FER1L5: variants seen among roughly 807,000 people sequenced by gnomAD.
The protein encoded by FER1L5 is fer-1-like protein 5.
FER1L5 carries 187 observed loss-of-function variants against 279.9 expected under a neutral mutation model. The ratio of observed to expected loss-of-function variants is 0.67; its 90% CI spans 0.59 to 0.75. The LOEUF (loss-of-function observed/expected upper bound fraction) is 0.75. Ranked by LOEUF, FER1L5 falls within the 30% of genes least tolerant of loss-of-function variation. FER1L5 has a pLI of 0.00. For synonymous variants in FER1L5, 921 were observed against 989.7 expected (o/e 0.93, Z 1.30); for missense variants, 2,091 against 2,594.4 (o/e 0.81, Z 4.21).
intron 14 of FER1L5, among the ~76,000 whole-genome samples, chr2:96,665,413 TG>T (rs1238122482): frequency 3.3e-5 from 5 of 152,260 alleles, no homozygotes; most frequent in African/African-American, 9.6e-5. Context: ...CCTCCTTGGA[TG>T]ATTTTATAGA....
chr2:96,688,223 C>A (rs2077007538), intron 24 of FER1L5, among the ~76,000 whole-genome samples: 1 of 152,158 alleles, frequency 6.6e-6, no homozygotes, highest in Non-Finnish European at 1.5e-5. Context: ...ACAAAGGGGG[C>A]GACTAAGTGA....
chr2:96,665,147 A>G (rs2076084405), intron 14 of FER1L5, among the ~76,000 whole-genome samples: 1 of 152,246 alleles, frequency 6.6e-6, no homozygotes, highest in Admixed American at 6.5e-5. Context: ...TAAAATAAGA[A>G]CACAGTTCTG....
At chr2:96,659,350 C>CTTCTTTCTTTCTTTCTTTCTTTCT (rs2075771910) in intron 9 of FER1L5, among the ~76,000 whole-genome samples, 2 of 74,960 alleles carry the variant, frequency 2.7e-5, no homozygotes, top group Non-Finnish European at 2.5e-5. Context: ...TCCTTCCTTC[C>CTTCTTTCTTTCTTTCTTTCTTTCT]TTCCTTCCTT....
Position 96,699,977 on chromosome 2 carries a change from C to T in FER1L5, c.4827C>T (p.Leu1609=), listed in dbSNP as rs759805805. ...RWRDQMPPSY[L]LERYAKRKGL... Reference sequence around the variant, plus strand: ...GGGATCAGATGCCCCCAAGCTACCTCCTAGAACGCTATGCCAAGCGGAAAG... The same window carrying T: ...GGGATCAGATGCCCCCAAGCTACCTTCTAGAACGCTATGCCAAGCGGAAAG... Residue 1609 remains leucine, a synonymous_variant, in exon 44 of 53, where the codon CTC becomes CTT. Coordinates refer to ENST00000624922, the MANE Select transcript of FER1L5 (RefSeq NM_001293083.2). The T allele has an allele frequency of 1.9e-6, 3 of 1,613,866 alleles. No individual in the cohort carries two copies. The African/African-American group carries it at 4.0e-5, about 22-fold the overall frequency.
intron 14 of FER1L5, among the ~76,000 whole-genome samples, chr2:96,664,099 G>C (rs1298281279): frequency 6.6e-6 from 1 of 150,784 alleles, no homozygotes; most frequent in Admixed American, 6.6e-5. Context: ...CACAACAGAG[G>C]GAGACTCAGT....
intron 1 of FER1L5, among the ~76,000 whole-genome samples, chr2:96,645,662 G>C (rs1006255448): frequency 5.9e-5 from 9 of 152,092 alleles, no homozygotes; most frequent in Non-Finnish European, 1.3e-4. Context: ...GTGGCCTGTA[G>C]TCCAAGCTAC....
intron 8 of FER1L5, 65 bp downstream of exon 8, chr2:96,653,767 T>A: frequency 1.6e-6 from 2 of 1,258,212 alleles, no homozygotes; most frequent in Non-Finnish European, 2.3e-6. Flanking sequence ...TGGGAAGCAC[T>A]ACAGCTCCAG....
At position 96,704,316 on chromosome 2, in the gene FER1L5, T is replaced by C; in HGVS notation, c.5903T>C (p.Ile1968Thr). The C allele has an allele frequency of 6.2e-7, 1 of 1,614,040 alleles. No homozygotes were observed. The highest frequency in any genetic ancestry group is 8.5e-7 in the Non-Finnish European group (1 of 1,179,888). The change falls in exon 52 of 53, where the codon ATA becomes ACA. Residue 1968 changes from isoleucine to threonine, a missense_variant. Ile to Thr is a moderately conservative substitution (Grantham distance 89). Coordinates refer to ENST00000624922, the MANE Select transcript of FER1L5 (RefSeq NM_001293083.2). ...TTCAAACTCATAGCCTTTATGGTCA[T>C]ATCGATTATAGCACTTATGCTGTTT... ...YRFKLIAFMV[I>T]SIIALMLFNF...
Position 96,651,237 on chromosome 2 carries a change from C to CTCTTTCTTTCTT in FER1L5, c.505-602_505-591dup, listed in dbSNP as rs70964882. On this transcript the variant is annotated intron_variant, in intron 6 of 52. Transcript: ENST00000624922. Reference sequence around the variant, plus strand: ...GGGCTACAACTTTCTTTCTTTCTTTCTCTTTCTTTCTTTCTTTCTTTCTTT... The same window carrying CTCTTTCTTTCTT: ...GGGCTACAACTTTCTTTCTTTCTTTCTCTTTCTTTCTTTCTTTCTTTCTTTCTTTCTTTCTTT... Among the ~76,000 whole-genome samples the CTCTTTCTTTCTT allele has an allele frequency of 2.7e-3, 344 of 128,620 alleles. 3 individuals carry two copies. The highest frequency in any genetic ancestry group is 7.1e-3 in the East Asian group (30 of 4,214). The allele number at this position is 128,620 out of a possible 152,430, so 84.4% of individuals were successfully genotyped here.
At chr2:96,672,205 A>C (rs1423216923) in intron 18 of FER1L5, among the ~76,000 whole-genome samples, 1 of 152,020 alleles carries the variant, frequency 6.6e-6, no homozygotes, top group Non-Finnish European at 1.5e-5. Context: ...CAGCCTCCTG[A>C]GTATCTGGGA....
intron 13 of FER1L5, among the ~76,000 whole-genome samples, chr2:96,662,952 G>A (rs1272159237): frequency 6.6e-6 from 1 of 152,186 alleles, no homozygotes; most frequent in Non-Finnish European, 1.5e-5. Flanking sequence ...CAAAAATTTT[G>A]ATACTTCTGT....
chr2:96,685,756 G>C (rs1423500946), intron 21 of FER1L5, among the ~76,000 whole-genome samples, 184 bp from the exon 22 acceptor site: 2 of 152,218 alleles, frequency 1.3e-5, no homozygotes, highest in African/African-American at 4.8e-5. Flanking sequence ...TGAGAACCCA[G>C]GGCTGGACAC....
At chr2:96,654,566 G>GGT (rs2075518071) in intron 9 of FER1L5, 70 bp downstream of exon 9, 1 of 398,086 alleles carries the variant, frequency 2.5e-6, no homozygotes, top group Non-Finnish European at 4.4e-6. Flanking sequence ...TGGGCTCCAT[G>GGT]CCCAAGTCTA....
rs545988479 is a variant in FER1L5, at chr2:96,698,932, C to T, written c.4518+100C>T. On this transcript the variant is annotated intron_variant, in intron 41 of 52. Coordinates refer to ENST00000624922, the MANE Select transcript of FER1L5 (RefSeq NM_001293083.2). This position sits in a 1 kb window ranked among gnomAD's most constrained non-coding sequence, Gnocchi z 5.5. ...TGCTGACACACAGAATGCCAACTCC[C>T]CATAGGCTCCGTGTGGTGCGAGGGG... 8.7e-5 allele frequency: 133 copies of T among 1,529,020 alleles called. 3 individuals are homozygous for T. The South Asian group carries it at 1.5e-3, about 17-fold the overall frequency. 94.7% of individuals were successfully genotyped at this position (1,529,020 alleles called of 1,614,324 possible). A position where few individuals can be genotyped will look rare whatever the true frequency, so the allele number is the denominator to read the frequency against.
chr2:96,692,174 A>G lies in FER1L5; in HGVS notation c.3285A>G (p.Thr1095=). The change falls in exon 31 of 53, where the codon ACA becomes ACG. Residue 1095 remains threonine (T), a synonymous_variant. Transcript: ENST00000624922. ...ARNLVSNQIL[T]FQGPFIRVVF... is the part of the protein sequence containing the mutation. ...ACCTGGTGTCCAATCAGATCCTGACATTCCAAGGTAGGTGGCAGGCAGCCT... is the reference window on the plus strand; with the variant it reads ...ACCTGGTGTCCAATCAGATCCTGACGTTCCAAGGTAGGTGGCAGGCAGCCT... The G allele has an allele frequency of 6.4e-7, 1 of 1,551,670 alleles. No individual in the cohort carries two copies. Among genetic ancestry groups the G allele is most frequent in the African/African-American group, 1.4e-5 (1 of 73,146 alleles).
At chr2:96,700,515 T>A (rs2077552594) in intron 45 of FER1L5, 44 bp downstream of exon 45, 1 of 1,608,620 alleles carries the variant, frequency 6.2e-7, no homozygotes, top group Non-Finnish European at 8.5e-7. Context: ...CAGGAGGAGC[T>A]AGATCAGGAG....
chr2:96,697,859 G>A, intron 39 of FER1L5, 98 bp downstream of exon 39: 2 of 1,487,258 alleles, frequency 1.3e-6, no homozygotes, highest in Non-Finnish European at 9.2e-7. Context: ...AAGTGGGAAG[G>A]TTCCCGCACT....
At chr2:96,679,799 A>G (rs931742368) in intron 19 of FER1L5, among the ~76,000 whole-genome samples, 15 of 151,560 alleles carry the variant, frequency 9.9e-5, no homozygotes, top group African/African-American at 3.6e-4. Context: ...TTTCCATTTC[A>G]TTTCGGTTAC....
At chr2:96,655,025 G>C (rs1041855337) in intron 9 of FER1L5, 1 of 151,928 alleles carries the variant, frequency 6.6e-6, no homozygotes, top group Non-Finnish European at 1.5e-5. Flanking sequence ...TAATATACTC[G>C]ATCTGGGGGG....
Sources: gnomAD v4.1 joint callset for allele counts (sites outside exome capture counted in the v4.1 genomes callset) on GRCh38, gnomAD v4.1.1 for gene constraint, Gnocchi (gnomAD v3.1) non-coding constraint, MANE v1.5 for transcripts, NCBI Gene and HGNC (gene_info 2026-07-23, HGNC 2026-07-21) for gene names.